Variants in RBFOX1 observed in about 807,000 individuals in gnomAD.
The protein encoded by RBFOX1 is RNA binding protein fox-1 homolog 1.
RBFOX1 carries 8 observed loss-of-function variants against 57.7 expected under a neutral mutation model. The ratio of observed to expected loss-of-function variants is 0.14; its 90% CI spans 0.08 to 0.25. The LOEUF (loss-of-function observed/expected upper bound fraction) is 0.25. Among genes scored for constraint, RBFOX1 ranks in the 10% least tolerant of loss-of-function variants. The pLI is 1.00. For missense variants in RBFOX1, 611 were observed against 548.5 expected, an observed-to-expected ratio of 1.11 and a Z score of -1.14; for synonymous variants, 326 against 222.4, an observed-to-expected ratio of 1.47 and a Z score of -4.15.
chr16:7,485,593 A>G (rs2065165403), intron 4 of RBFOX1, among the ~76,000 whole-genome samples: 1 of 152,218 alleles, frequency 6.6e-6, no homozygotes, highest in Non-Finnish European at 1.5e-5. Context: ...CTACTCCCCC[A>G]GGCAAGAGCC....
intron 2 of RBFOX1, among the ~76,000 whole-genome samples, chr16:6,619,411 T>G (rs1016168811): frequency 6.6e-6 from 1 of 152,172 alleles, no homozygotes; most frequent in South Asian, 2.1e-4. Flanking sequence ...CTTGTTGATG[T>G]TCCCTTTTTC....
At chr16:6,436,904 A>T (rs773072730) in intron 2 of RBFOX1, among the ~76,000 whole-genome samples, 1 of 152,042 alleles carries the variant, frequency 6.6e-6, no homozygotes, top group Non-Finnish European at 1.5e-5. Context: ...ACATAGGGGG[A>T]TTTATTATAA....
At chr16:6,658,341 A>G (rs1040302267) in intron 3 of RBFOX1, among the ~76,000 whole-genome samples, 3 of 151,676 alleles carry the variant, frequency 2.0e-5, no homozygotes, top group African/African-American at 7.3e-5. Flanking sequence ...CCCGGGTTCA[A>G]GCGATTCTCC....
intron 2 of RBFOX1, among the ~76,000 whole-genome samples, chr16:6,363,605 A>G (rs947439449): frequency 9.8e-5 from 15 of 152,360 alleles, no homozygotes; most frequent in Admixed American, 2.6e-4. Flanking sequence ...TTTGAAGGGA[A>G]CAGCAGTGAC....
At chr16:5,365,665 C>A in intron 1 of RBFOX1, 1 of 337,220 alleles carries the variant, frequency 3.0e-6, no homozygotes, top group Non-Finnish European at 5.7e-6. Flanking sequence ...AAGACCCTGT[C>A]TCAGTAAATA....
chr16:5,282,243 C>T (rs966152371), intron 1 of RBFOX1, among the ~76,000 whole-genome samples: 1 of 152,166 alleles, frequency 6.6e-6, no homozygotes, highest in African/African-American at 2.4e-5. Context: ...TGTAGCCTCC[C>T]CAGCAATGTA....
intron 14 of RBFOX1, among the ~76,000 whole-genome samples, chr16:7,681,237 A>G (rs2074654377): frequency 1.3e-5 from 2 of 152,176 alleles, no homozygotes; most frequent in Admixed American, 1.3e-4. Context: ...AAGGATGGGT[A>G]GATGGATAGA....
At chr16:5,647,892 T>G (rs66536669) in intron 3 of RBFOX1, among the ~76,000 whole-genome samples, 33,110 of 152,090 alleles carry the variant, frequency 0.22, 5,612 homozygotes, top group East Asian at 0.85. Context: ...TGGAGTTTCA[T>G]TCTGTCACTC....
At chr16:5,595,548 T>G (rs1404854351) in intron 2 of RBFOX1, among the ~76,000 whole-genome samples, 1 of 152,174 alleles carries the variant, frequency 6.6e-6, no homozygotes, top group Non-Finnish European at 1.5e-5. Context: ...TAAAAAGGGT[T>G]GCAGATCAGA....
intron 3 of RBFOX1, among the ~76,000 whole-genome samples, chr16:6,686,554 C>T (rs1024872638): frequency 6.6e-6 from 1 of 152,144 alleles, no homozygotes; most frequent in African/African-American, 2.4e-5. Flanking sequence ...GGGAACATTT[C>T]TCAGTTGCTA....
chr16:5,881,178 G>C (rs540131996), intron 4 of RBFOX1, among the ~76,000 whole-genome samples: 1 of 152,314 alleles, frequency 6.6e-6, no homozygotes, highest in South Asian at 2.1e-4. Context: ...CCCCAGTGAA[G>C]AATCCTCTCC....
At chr16:6,814,359 T>G (rs900457069) in intron 3 of RBFOX1, among the ~76,000 whole-genome samples, 1 of 152,186 alleles carries the variant, frequency 6.6e-6, no homozygotes, top group Non-Finnish European at 1.5e-5. Context: ...CCTAAGTGTT[T>G]CCATTTCTTT....
At position 7,484,954 on chromosome 16, in the gene RBFOX1, A is replaced by C. The variant is rs1392656685; in HGVS notation, c.28-33193A>C. On this transcript the variant is annotated intron_variant, in intron 4 of 15. Coordinates refer to ENST00000550418, the MANE Select transcript of RBFOX1 (RefSeq NM_018723.4). Reference sequence around the variant, plus strand: ...CAACCCATATGCCCCAAGTTGTTCAAAACTATTGAGGAAAGAGATACTGTC... The same window carrying C: ...CAACCCATATGCCCCAAGTTGTTCACAACTATTGAGGAAAGAGATACTGTC... Among the ~76,000 whole-genome samples the C allele has an allele frequency of 2.6e-5, 4 of 152,310 alleles. No homozygotes were observed. In the East Asian group the frequency reaches 7.7e-4, roughly 29 times the overall value.
At chr16:5,273,543 G>C (rs1234576418) in intron 1 of RBFOX1, among the ~76,000 whole-genome samples, 1 of 152,210 alleles carries the variant, frequency 6.6e-6, no homozygotes, top group Non-Finnish European at 1.5e-5. Flanking sequence ...AGAGAATTTG[G>C]CTGGACAATC....
At chr16:7,345,831 T>C (rs2096989524) in intron 4 of RBFOX1, among the ~76,000 whole-genome samples, 1 of 152,218 alleles carries the variant, frequency 6.6e-6, no homozygotes, top group South Asian at 2.1e-4. Context: ...AATTTTTTGT[T>C]TTTATTTTTA....
chr16:5,827,395 A>C (rs1166099070), intron 3 of RBFOX1, among the ~76,000 whole-genome samples: 39 of 131,530 alleles, frequency 3.0e-4, no homozygotes, highest in Middle Eastern at 7.6e-3. Flanking sequence ...GCAAGACTCC[A>C]TCTCAGGGAA....
chr16:6,725,340 C>T lies in RBFOX1; in HGVS notation c.-16+70690C>T, dbSNP rs145606534. On this transcript the variant is annotated intron_variant, in intron 3 of 15. Transcript: ENST00000550418. ...TGCTGGGATTACAGGTTTGAGCCACCGCGCCCGGCCGGTTTTGGCTAGCTT... is the reference window on the plus strand; with the variant it reads ...TGCTGGGATTACAGGTTTGAGCCACTGCGCCCGGCCGGTTTTGGCTAGCTT... Among the ~76,000 whole-genome samples, 388 of 151,962 alleles carry T rather than the reference C, an allele frequency of 2.6e-3. 1 individual carries two copies. The highest frequency in any genetic ancestry group is 4.4e-3 in the Non-Finnish European group (298 of 67,948).
intron 3 of RBFOX1, among the ~76,000 whole-genome samples, chr16:7,021,918 TTTCTTTCTTTATTTTCTTTTC>T (rs2039283252): frequency 7.0e-6 from 1 of 143,144 alleles, no homozygotes; most frequent in Non-Finnish European, 1.5e-5. Context: ...CTTTCTTTTC[TTTCTTTCTTTATTTTCTTTTC>T]TTTCTTTCTT....
intron 3 of RBFOX1, among the ~76,000 whole-genome samples, chr16:6,764,169 T>C (rs2077008922): frequency 6.6e-6 from 1 of 152,192 alleles, no homozygotes; most frequent in African/African-American, 2.4e-5. Flanking sequence ...CCTTAAGCTC[T>C]AGGTGCCCTC....
Sources: gnomAD v4.1 joint callset for allele counts (sites outside exome capture counted in the v4.1 genomes callset) on GRCh38, gnomAD v4.1.1 for gene constraint, MANE v1.5 for transcripts, NCBI Gene and HGNC (gene_info 2026-07-23, HGNC 2026-07-21) for gene names.